The following DLGAP2 variants were observed in gnomAD, a reference collection of about 807,000 sequenced individuals.
The protein encoded by DLGAP2 is disks large-associated protein 2.
A neutral mutation model predicts 100.3 loss-of-function variants in DLGAP2; 26 were observed. That is an observed-to-expected ratio of 0.26 (90% CI 0.19 to 0.36). DLGAP2 has a LOEUF of 0.36. DLGAP2 is among the 10% of genes least tolerant of loss of function. The pLI is 1.00. For missense variants in DLGAP2, 1,858 were observed against 1,453.2 expected (o/e 1.28, Z -4.53); for synonymous variants, 886 against 630.1 (o/e 1.41, Z -6.08).
intron 1 of DLGAP2, among the ~76,000 whole-genome samples, chr8:773,095 C>G (rs1821409479): frequency 6.6e-6 from 1 of 152,188 alleles, no homozygotes; most frequent in Admixed American, 6.5e-5. Context: ...TAACCAAGCC[C>G]TGGAGCCTGG....
intron 7 of DLGAP2, among the ~76,000 whole-genome samples, chr8:1,631,545 C>G (rs1797645726): frequency 6.6e-6 from 1 of 152,216 alleles, no homozygotes; most frequent in South Asian, 2.1e-4. Context: ...ATCCTGCCGG[C>G]TGTGTCCTGG....
chr8:1,352,068 C>T (rs1185874441), intron 3 of DLGAP2, among the ~76,000 whole-genome samples: 1 of 68,864 alleles, frequency 1.5e-5, no homozygotes. Flanking sequence ...GTGGAACGGC[C>T]GTGCGGGTCC....
At chr8:886,843 T>C (rs1383075114) in intron 1 of DLGAP2, among the ~76,000 whole-genome samples, 1 of 152,244 alleles carries the variant, frequency 6.6e-6, no homozygotes, top group Non-Finnish European at 1.5e-5. Flanking sequence ...ATGTATATTC[T>C]GTTGATTGGG....
chr8:1,594,385 C>G (rs1563244586), intron 6 of DLGAP2, among the ~76,000 whole-genome samples: 1 of 152,090 alleles, frequency 6.6e-6, no homozygotes, highest in Admixed American at 6.6e-5. Context: ...AGTAAAGTGA[C>G]AGGACATATT....
chr8:1,187,228 C>T (rs1797524481), intron 2 of DLGAP2, among the ~76,000 whole-genome samples: 1 of 152,140 alleles, frequency 6.6e-6, no homozygotes, highest in South Asian at 2.1e-4. Flanking sequence ...CACGGGACCT[C>T]CGTGACGTTT....
chr8:1,240,367 C>T (rs922693342), intron 2 of DLGAP2, among the ~76,000 whole-genome samples: 1 of 147,648 alleles, frequency 6.8e-6, no homozygotes, highest in Non-Finnish European at 1.5e-5. Context: ...CTGTCTCACA[C>T]AGAGCATCGT....
chr8:1,386,510 T>A (rs1046730755), intron 3 of DLGAP2, among the ~76,000 whole-genome samples: 2 of 152,080 alleles, frequency 1.3e-5, no homozygotes, highest in African/African-American at 4.8e-5. Flanking sequence ...GGAGAAGTGG[T>A]GGCTGCTCCG....
At chr8:1,423,344 G>A (rs1010053007) in intron 3 of DLGAP2, among the ~76,000 whole-genome samples, 2 of 152,136 alleles carry the variant, frequency 1.3e-5, no homozygotes, top group African/African-American at 4.8e-5. Flanking sequence ...CTCAGGTGGA[G>A]GCAGATCCCA....
chr8:1,067,450 C>T (rs938908228), intron 2 of DLGAP2, among the ~76,000 whole-genome samples: 1 of 152,134 alleles, frequency 6.6e-6, no homozygotes, highest in South Asian at 2.1e-4. Context: ...CAGAGGCTTC[C>T]TGGGAGGGGG....
intron 1 of DLGAP2, among the ~76,000 whole-genome samples, chr8:883,882 CAT>C (rs1215005773): frequency 5.3e-5 from 8 of 152,298 alleles, no homozygotes; most frequent in Non-Finnish European, 1.2e-4. Context: ...TGAGTGAGAA[CAT>C]GTGGTGTTGG....
intron 3 of DLGAP2, among the ~76,000 whole-genome samples, chr8:1,382,349 G>A (rs930945386): frequency 7.9e-5 from 12 of 152,350 alleles, no homozygotes; most frequent in Middle Eastern, 3.4e-3. Context: ...GTCTCAGGGT[G>A]GCAGAGGAGG....
intron 3 of DLGAP2, among the ~76,000 whole-genome samples, chr8:1,452,565 C>G (rs894429376): frequency 6.6e-6 from 1 of 152,170 alleles, no homozygotes; most frequent in African/African-American, 2.4e-5. Context: ...AGTGGCCCGG[C>G]TTAAATTGCC....
chr8:1,156,906 C>T (rs903127399), intron 2 of DLGAP2, among the ~76,000 whole-genome samples: 3 of 152,146 alleles, frequency 2.0e-5, no homozygotes, highest in East Asian at 3.9e-4. Context: ...AAGGCCCTGC[C>T]GTCCACTCAG....
intron 1 of DLGAP2, among the ~76,000 whole-genome samples, chr8:833,476 TG>T (rs1317588097): frequency 1.3e-5 from 2 of 152,108 alleles, no homozygotes; most frequent in Admixed American, 1.3e-4. Context: ...CCTTGGCTTG[TG>T]GCCCCACCTC....
chr8:946,211 T>C (rs759510654), intron 2 of DLGAP2, among the ~76,000 whole-genome samples: 5 of 151,844 alleles, frequency 3.3e-5, no homozygotes, highest in African/African-American at 1.2e-4. Flanking sequence ...TCCTGGGATG[T>C]GTATTGGCAT....
chr8:964,881 C>T (rs1477615648), intron 2 of DLGAP2, among the ~76,000 whole-genome samples: 5 of 152,206 alleles, frequency 3.3e-5, no homozygotes, highest in South Asian at 2.1e-4. Flanking sequence ...GGCCATGCTC[C>T]GGGGGGTACT....
At chr8:802,193 T>C (rs1796180038) in intron 1 of DLGAP2, among the ~76,000 whole-genome samples, 1 of 148,078 alleles carries the variant, frequency 6.8e-6, no homozygotes. Context: ...TGGGGAATGG[T>C]CTGCACTCCT....
intron 12 of DLGAP2, among the ~76,000 whole-genome samples, chr8:1,682,521 C>T (rs1798977943): frequency 6.6e-6 from 1 of 151,280 alleles, no homozygotes. Flanking sequence ...TTCTCCCAGG[C>T]TGGAGTGCAA....
intron 1 of DLGAP2, among the ~76,000 whole-genome samples, chr8:823,054 CA>C (rs1293843840): frequency 2.6e-5 from 4 of 151,894 alleles, no homozygotes; most frequent in African/African-American, 4.8e-5. Context: ...GTCTAAATTT[CA>C]GGGGGGGCCA....
Sources: allele counts gnomAD v4.1 joint callset (sites outside exome capture counted in the v4.1 genomes callset), GRCh38; gene constraint gnomAD v4.1.1; transcripts MANE v1.5; gene names NCBI Gene and HGNC (gene_info 2026-07-23, HGNC 2026-07-21).